The following OSBPL1A variants were observed in gnomAD, a reference collection of about 807,000 sequenced individuals.
The protein encoded by OSBPL1A is oxysterol binding protein like 1A.
Under a neutral mutation model 137.1 loss-of-function variants are expected in OSBPL1A, and 80 were observed. The observed-to-expected ratio is 0.58, with a 90% CI of 0.49 to 0.70. The LOEUF (loss-of-function observed/expected upper bound fraction) is 0.70, where lower values mean the gene tolerates loss of function less well. OSBPL1A is among the 30% of genes least tolerant of loss of function. The pLI is 0.00. For missense variants in OSBPL1A, 970 were observed against 1,129.4 expected (o/e 0.86, Z 2.02); for synonymous variants, 365 against 389.7 (o/e 0.94, Z 0.75).
intron 4 of OSBPL1A, among the ~76,000 whole-genome samples, chr18:24,352,123 T>C (rs1261089520): frequency 6.6e-6 from 1 of 151,994 alleles, no homozygotes; most frequent in African/African-American, 2.4e-5. Flanking sequence ...CTGGGAAACA[T>C]GGCAAAACCT....
chr18:24,321,817 G>A, intron 7 of OSBPL1A: 1 of 442,462 alleles, frequency 2.3e-6, no homozygotes, highest in South Asian at 1.7e-5. Context: ...AATTCAGGGA[G>A]TAGGAAGAGA....
chr18:24,279,593 A>T (rs780109696), intron 15 of OSBPL1A, among the ~76,000 whole-genome samples: 3 of 152,218 alleles, frequency 2.0e-5, no homozygotes, highest in Non-Finnish European at 4.4e-5. Context: ...CTAAAACAAG[A>T]ATAAGAAATT....
intron 16 of OSBPL1A, among the ~76,000 whole-genome samples, chr18:24,236,937 A>G (rs1345015710): frequency 6.6e-6 from 1 of 152,214 alleles, no homozygotes; most frequent in African/African-American, 2.4e-5. Context: ...AGGATTAAGG[A>G]AACTGTGACA....
intron 21 of OSBPL1A, among the ~76,000 whole-genome samples, chr18:24,174,194 T>C (rs1177530798): frequency 7.0e-6 from 1 of 142,098 alleles, no homozygotes; most frequent in Non-Finnish European, 1.6e-5. Context: ...TAAACATTTG[T>C]ATACAGGTTT....
intron 14 of OSBPL1A, among the ~76,000 whole-genome samples, chr18:24,295,404 C>G (rs556490562): frequency 1.3e-5 from 2 of 152,252 alleles, no homozygotes; most frequent in East Asian, 1.9e-4. Context: ...TGTGCAGAAG[C>G]TTTTTAGTTT....
chr18:24,369,922 A>C (rs1905488695), intron 2 of OSBPL1A, among the ~76,000 whole-genome samples: 1 of 152,144 alleles, frequency 6.6e-6, no homozygotes, highest in African/African-American at 2.4e-5. Flanking sequence ...GAACCTCCAC[A>C]TCAAAACTCC....
intron 17 of OSBPL1A, among the ~76,000 whole-genome samples, chr18:24,215,878 G>A (rs1385423292): frequency 2.6e-5 from 4 of 152,200 alleles, no homozygotes; most frequent in Non-Finnish European, 5.9e-5. Flanking sequence ...AGGGTTGGGG[G>A]AAGAGGGTAC....
chr18:24,385,092 C>T (rs1307150775), intron 1 of OSBPL1A, among the ~76,000 whole-genome samples: 1 of 151,432 alleles, frequency 6.6e-6, no homozygotes, highest in Admixed American at 6.6e-5. Flanking sequence ...GTAGCTGGGA[C>T]TACAGGCGCC....
chr18:24,249,702 A>G (rs948130830), intron 15 of OSBPL1A, among the ~76,000 whole-genome samples: 3 of 152,104 alleles, frequency 2.0e-5, no homozygotes, highest in Non-Finnish European at 4.4e-5. Context: ...CACACACAGG[A>G]GCATTTGGAC....
At chr18:24,177,145 G>A (rs1370141352) in intron 21 of OSBPL1A, among the ~76,000 whole-genome samples, 3 of 152,196 alleles carry the variant, frequency 2.0e-5, no homozygotes, top group African/African-American at 2.4e-5. Context: ...TCTGAGGTAC[G>A]TGTGTGATTG....
chr18:24,302,105 C>T (rs1417400388), intron 14 of OSBPL1A, among the ~76,000 whole-genome samples: 1 of 151,774 alleles, frequency 6.6e-6, no homozygotes, highest in African/African-American at 2.4e-5. Context: ...TGGTAGCGGG[C>T]ACTTGTAGTC....
chr18:24,228,774 G>A (rs1187810794), intron 16 of OSBPL1A, among the ~76,000 whole-genome samples: 1 of 152,170 alleles, frequency 6.6e-6, no homozygotes, highest in Non-Finnish European at 1.5e-5. Context: ...TACAGGAGCT[G>A]TCCCAAGCAA....
intron 15 of OSBPL1A, among the ~76,000 whole-genome samples, chr18:24,273,916 G>A (rs939793154): frequency 6.6e-6 from 1 of 151,982 alleles, no homozygotes; most frequent in African/African-American, 2.4e-5. Context: ...CAGAATAAAG[G>A]GAGATAGGCA....
chr18:24,203,102 C>T (rs903687942), intron 17 of OSBPL1A, among the ~76,000 whole-genome samples: 1 of 152,172 alleles, frequency 6.6e-6, no homozygotes, highest in African/African-American at 2.4e-5. Flanking sequence ...TTCAGCCATC[C>T]GAGTAGCTGG....
chr18:24,338,302 G>A (rs945758818), intron 5 of OSBPL1A, among the ~76,000 whole-genome samples: 18 of 150,870 alleles, frequency 1.2e-4, no homozygotes, highest in African/African-American at 4.4e-4. Context: ...GGATGGTCTC[G>A]ATCTCCTGAC....
chr18:24,192,490 A>G (rs76139300), intron 18 of OSBPL1A, among the ~76,000 whole-genome samples: 3,695 of 152,356 alleles, frequency 0.024, 55 homozygotes, highest in Non-Finnish European at 0.039. Context: ...CCAGTTAGGT[A>G]AAGTATTCAT....
intron 3 of OSBPL1A, 75 bp from the exon 4 acceptor site, chr18:24,367,041 C>A: frequency 8.0e-7 from 1 of 1,248,988 alleles, no homozygotes; most frequent in Non-Finnish European, 1.1e-6. Context: ...ATATTAAGGC[C>A]TTAAAAAATT....
chr18:24,165,228 A>G lies in OSBPL1A; in HGVS notation c.2660-73T>C, dbSNP rs192459610. On this transcript the variant is annotated intron_variant, in intron 26 of 27. Coordinates refer to ENST00000319481, the MANE Select transcript of OSBPL1A (RefSeq NM_080597.4). Reference sequence around the variant, plus strand: ...TGCCAGGCACAGTATTAAGCACAAGAACTTCACAAAAGAACCATATCTACA... The same window carrying G: ...TGCCAGGCACAGTATTAAGCACAAGGACTTCACAAAAGAACCATATCTACA... 59 of 1,323,990 alleles carry G rather than the reference A, an allele frequency of 4.5e-5. 1 individual carries two copies. The East Asian group carries it at 1.3e-3, about 28-fold the overall frequency. The allele number at this position is 1,323,990 out of a possible 1,614,324, so 82.0% of individuals were successfully genotyped here.
intron 18 of OSBPL1A, among the ~76,000 whole-genome samples, chr18:24,189,778 C>T (rs1439790316): frequency 2.0e-5 from 3 of 152,198 alleles, no homozygotes; most frequent in Admixed American, 1.3e-4. Context: ...GGGATAGCTG[C>T]CTGCGGCCGC....
Sources: allele counts gnomAD v4.1 joint callset (sites outside exome capture counted in the v4.1 genomes callset), GRCh38; gene constraint gnomAD v4.1.1; transcripts MANE v1.5; gene names NCBI Gene and HGNC (gene_info 2026-07-23, HGNC 2026-07-21).